Variants in COX10 observed in about 807,000 individuals in gnomAD.
The protein encoded by COX10 is cytochrome c oxidase assembly factor heme A:farnesyltransferase COX10.
Under a neutral mutation model 37.3 loss-of-function variants are expected in COX10, and 27 were observed. The observed-to-expected ratio is 0.72, with a 90% CI of 0.53 to 1.00. The LOEUF is 1.00. Ranked by LOEUF, COX10 falls within the 50% of genes least tolerant of loss-of-function variation. The probability of loss-of-function intolerance (pLI) is 0.00; values close to 1 mark genes in which losing one functional copy is unlikely to be tolerated. For synonymous variants in COX10, 222 were observed against 229.1 expected (o/e 0.97, Z 0.28); for missense variants, 475 against 563.2 (o/e 0.84, Z 1.59).
chr17:14,103,937 C>T (rs927885649), intron 4 of COX10, among the ~76,000 whole-genome samples: 2 of 152,068 alleles, frequency 1.3e-5, no homozygotes, highest in African/African-American at 2.4e-5. Flanking sequence ...TCTTTCTGGT[C>T]CTGAAAAGGT....
chr17:14,159,911 G>A lies in COX10; in HGVS notation c.659G>A (p.Arg220Lys). The A allele has an allele frequency of 6.2e-7, 1 of 1,612,524 alleles. No individual in the cohort carries two copies. Among genetic ancestry groups the A allele is most frequent in the Non-Finnish European group, 8.5e-7 (1 of 1,179,644 alleles). ...GTGCCATTTGACTCAAACATGAATA[G>A]GACAAAGAACAGACCGCTGGTTCGT... ...FEVPFDSNMN[R>K]TKNRPLVRGQ... The change falls in exon 5 of 7, where the codon AGG (arginine) becomes AAG (lysine). Residue 220 changes from arginine (R) to lysine (K), a missense_variant. Coordinates refer to ENST00000261643, the MANE Select transcript of COX10 (RefSeq NM_001303.4).
chr17:14,108,327 A>C (rs1915941868), intron 4 of COX10, among the ~76,000 whole-genome samples: 1 of 152,078 alleles, frequency 6.6e-6, no homozygotes, highest in Non-Finnish European at 1.5e-5. Flanking sequence ...ATCAGGTTTC[A>C]AAAAAAAGAT....
Position 14,069,611 on chromosome 17 carries a change from C to T in COX10, c.6C>T (p.Ala2=). The change falls in exon 1 of 7, where the codon GCC becomes GCT. Residue 2 remains alanine, a synonymous_variant. Coordinates refer to ENST00000261643, the MANE Select transcript of COX10 (RefSeq NM_001303.4). M[A]ASPHTLSSRL... is the part of the protein sequence containing the mutation. Reference sequence around the variant, plus strand: ...CGGCCCCAGACTCGTAAATTATGGCCGCATCTCCGCACACTCTCTCCTCAC... The same window carrying T: ...CGGCCCCAGACTCGTAAATTATGGCTGCATCTCCGCACACTCTCTCCTCAC... 6.2e-7 allele frequency: 1 copy of T among 1,614,052 alleles called. No homozygotes were observed. Among genetic ancestry groups the T allele is most frequent in the African/African-American group, 1.3e-5 (1 of 75,040 alleles).
intron 3 of COX10, among the ~76,000 whole-genome samples, chr17:14,094,250 G>C (rs547912889): frequency 2.0e-5 from 3 of 151,270 alleles, no homozygotes; most frequent in Admixed American, 2.0e-4. Context: ...TACTTTATCA[G>C]TAAAAAGAAC....
At chr17:14,186,740 T>C (rs1282748355) in intron 5 of COX10, among the ~76,000 whole-genome samples, 1 of 151,962 alleles carries the variant, frequency 6.6e-6, no homozygotes, top group Non-Finnish European at 1.5e-5. Flanking sequence ...TCCCAGGTGA[T>C]TGCATCCCAA....
intron 6 of COX10, among the ~76,000 whole-genome samples, chr17:14,205,172 CTT>C (rs1906659046): frequency 6.6e-6 from 1 of 151,904 alleles, no homozygotes; most frequent in Admixed American, 6.6e-5. Flanking sequence ...ATAAAATTGA[CTT>C]TTTAAATATA....
intron 4 of COX10, among the ~76,000 whole-genome samples, chr17:14,120,137 A>G (rs1473956104): frequency 6.6e-6 from 1 of 152,206 alleles, no homozygotes; most frequent in Non-Finnish European, 1.5e-5. Context: ...GTGGATAGTG[A>G]TATCACTGAC....
intron 1 of COX10, among the ~76,000 whole-genome samples, chr17:14,071,349 A>G (rs922342668): frequency 1.3e-5 from 2 of 152,176 alleles, no homozygotes; most frequent in African/African-American, 4.8e-5. Context: ...GGTGGTATGG[A>G]AGGAATTAAT....
intron 5 of COX10, among the ~76,000 whole-genome samples, chr17:14,170,453 C>G (rs556599396): frequency 6.6e-6 from 1 of 152,186 alleles, no homozygotes; most frequent in African/African-American, 2.4e-5. Flanking sequence ...TTAACTGACT[C>G]TAAGCATGAC....
intron 4 of COX10, among the ~76,000 whole-genome samples, chr17:14,112,474 AT>A (rs1478417467): frequency 6.6e-6 from 1 of 152,178 alleles, no homozygotes; most frequent in African/African-American, 2.4e-5. Context: ...ATCCATGTAT[AT>A]GTATTGATTA....
chr17:14,164,575 T>C (rs1356536779), intron 5 of COX10, among the ~76,000 whole-genome samples: 1 of 152,206 alleles, frequency 6.6e-6, no homozygotes, highest in Non-Finnish European at 1.5e-5. Flanking sequence ...ATTTTAGACT[T>C]TAAGGATTTT....
intron 4 of COX10, among the ~76,000 whole-genome samples, chr17:14,143,557 C>T (rs193096024): frequency 2.0e-5 from 3 of 152,184 alleles, no homozygotes; most frequent in African/African-American, 4.8e-5. Context: ...GGTTTCAAGT[C>T]GCTTTGCTTA....
At chr17:14,129,255 A>G (rs1251521085) in intron 4 of COX10, among the ~76,000 whole-genome samples, 1 of 151,862 alleles carries the variant, frequency 6.6e-6, no homozygotes, top group African/African-American at 2.4e-5. Flanking sequence ...AGTTCACAGA[A>G]ATGAAATTTA....
At chr17:14,121,263 A>G (rs1467187619) in intron 4 of COX10, among the ~76,000 whole-genome samples, 1 of 152,220 alleles carries the variant, frequency 6.6e-6, no homozygotes, top group African/African-American at 2.4e-5. Flanking sequence ...AAAATTGTAT[A>G]TTTATTCCCA....
chr17:14,170,788 G>C (rs561952173), intron 5 of COX10, among the ~76,000 whole-genome samples: 1 of 152,266 alleles, frequency 6.6e-6, no homozygotes, highest in South Asian at 2.1e-4. Flanking sequence ...CTGTACTCCA[G>C]CCTGGGGAAC....
In COX10 at chr17:14,074,367, C is replaced by T; in HGVS notation, c.88C>T (p.Gln30Ter). Residue 30 changes from glutamine (Q) to a stop codon, truncating the protein, a stop_gained, in exon 2 of 7, where the codon CAG becomes TAG. Transcript: ENST00000261643. LOFTEE classifies it high-confidence loss of function. ...CTGGTATCTTGAAAGAAGAACTATA[C>T]AGGACTCCCCTCACAAGTTCTTACA... ...SVWYLERRTIQDSPHKFLHLL... is the reference protein window; with the variant it reads ...SVWYLERRTI The T allele has an allele frequency of 6.2e-7, 1 of 1,613,908 alleles. No homozygotes were observed. The highest frequency in any genetic ancestry group is 8.5e-7 in the Non-Finnish European group (1 of 1,179,800).
At chr17:14,169,007 T>G (rs1399876003) in intron 5 of COX10, among the ~76,000 whole-genome samples, 3 of 152,264 alleles carry the variant, frequency 2.0e-5, no homozygotes, top group Admixed American at 2.0e-4. Flanking sequence ...CTGTAGATTT[T>G]CCGAACTTTT....
intron 4 of COX10, among the ~76,000 whole-genome samples, chr17:14,146,468 C>G (rs943078197): frequency 6.6e-6 from 1 of 152,114 alleles, no homozygotes; most frequent in Non-Finnish European, 1.5e-5. Context: ...AACTAGACCC[C>G]TATCTCTTGC....
intron 4 of COX10, among the ~76,000 whole-genome samples, chr17:14,124,635 TAAGA>T (rs1425374877): frequency 2.6e-5 from 4 of 152,248 alleles, no homozygotes; most frequent in Admixed American, 2.6e-4. Flanking sequence ...TAGGATTACA[TAAGA>T]AAGGAAAAAA....
Sources: gnomAD v4.1 joint callset for allele counts (sites outside exome capture counted in the v4.1 genomes callset) on GRCh38, gnomAD v4.1.1 for gene constraint, MANE v1.5 for transcripts, NCBI Gene and HGNC (gene_info 2026-07-23, HGNC 2026-07-21) for gene names.